Variants in PDE8B observed in about 807,000 individuals in gnomAD.
PDE8B encodes the protein high affinity cAMP-specific and IBMX-insensitive 3',5'-cyclic phosphodiesterase 8B.
PDE8B carries 26 observed loss-of-function variants against 101.3 expected under a neutral mutation model. The ratio of observed to expected loss-of-function variants is 0.26; its 90% confidence interval spans 0.19 to 0.36. PDE8B has a LOEUF of 0.36. Ranked by LOEUF, PDE8B falls within the 10% of genes least tolerant of loss-of-function variation. PDE8B has a pLI of 1.00. For missense variants in PDE8B, 810 were observed against 1,163.1 expected (o/e 0.70, Z 4.42); for synonymous variants, 424 against 429.3 (o/e 0.99, Z 0.15).
chr5:77,276,782 T>C (rs1580741097), intron 1 of PDE8B, among the ~76,000 whole-genome samples: 1 of 152,220 alleles, frequency 6.6e-6, no homozygotes, highest in East Asian at 1.9e-4. Context: ...ATGAGAGTAT[T>C]CCTTAAATAC....
At chr5:77,224,722 A>G (rs570049070) in intron 1 of PDE8B, among the ~76,000 whole-genome samples, 13 of 152,320 alleles carry the variant, frequency 8.5e-5, no homozygotes, top group African/African-American at 2.2e-4. Context: ...AGATCTAGCT[A>G]TTGCAATCAA....
chr5:77,124,585 CAA>C, the PDE8B span, among the ~76,000 whole-genome samples: 3 of 122,388 alleles, frequency 2.5e-5, no homozygotes, highest in African/African-American at 3.5e-5. Flanking sequence ...GACACTGTCT[CAA>C]AAAAAAAAAA....
intron 1 of PDE8B, among the ~76,000 whole-genome samples, chr5:77,306,314 A>G (rs1425324418): frequency 6.6e-6 from 1 of 152,226 alleles, no homozygotes; most frequent in African/African-American, 2.4e-5. Context: ...TGTTCTTTTC[A>G]GTTTAATTCA....
chr5:77,202,634 T>A, the PDE8B span, among the ~76,000 whole-genome samples: 1 of 147,106 alleles, frequency 6.8e-6, no homozygotes, highest in Middle Eastern at 3.5e-3. Context: ...AGGTTATTAG[T>A]AATTTTTTTT....
At chr5:77,148,116 T>C in the PDE8B span, 1 of 152,244 alleles carries the variant, frequency 6.6e-6, no homozygotes, top group African/African-American at 2.4e-5. Flanking sequence ...TATACACTTA[T>C]ATAGTCAAAT....
intron 20 of PDE8B, among the ~76,000 whole-genome samples, chr5:77,424,679 G>A (rs920438591): frequency 2.2e-4 from 34 of 152,216 alleles, no homozygotes; most frequent in Admixed American, 1.8e-3. Context: ...CAGTTCAAGT[G>A]TACGTGTACT....
intron 1 of PDE8B, among the ~76,000 whole-genome samples, chr5:77,259,607 A>T (rs1013495805): frequency 2.6e-5 from 4 of 152,064 alleles, no homozygotes; most frequent in Non-Finnish European, 5.9e-5. Flanking sequence ...TTTCCTCCCC[A>T]CTTCTCTACT....
chr5:77,382,796 T>C lies in PDE8B; in HGVS notation c.1168-17452T>C, dbSNP rs190976905. On this transcript the variant is annotated intron_variant, in intron 10 of 21. Coordinates refer to ENST00000264917, the MANE Select transcript of PDE8B (RefSeq NM_003719.5). ...TTTTTTATGGCTGCATAGTATTCCA[T>C]GGTTCACATGTGTGCCACATTTTCT... Among the ~76,000 whole-genome samples the C allele has an allele frequency of 2.0e-4, 30 of 152,338 alleles. No individual in the cohort carries two copies. The East Asian group carries it at 4.8e-3, about 24-fold the overall frequency.
the PDE8B span, among the ~76,000 whole-genome samples, chr5:77,190,780 C>A: frequency 6.6e-6 from 1 of 152,224 alleles, no homozygotes; most frequent in Non-Finnish European, 1.5e-5. Context: ...ATTAAAACAA[C>A]CTCTGTCTCT....
At chr5:77,150,198 C>T in the PDE8B span, among the ~76,000 whole-genome samples, 1 of 152,112 alleles carries the variant, frequency 6.6e-6, no homozygotes, top group African/African-American at 2.4e-5. Flanking sequence ...GCCTGCTGAG[C>T]TATATGTAGA....
chr5:77,112,533 A>T, the PDE8B span: 13 of 152,186 alleles, frequency 8.5e-5, no homozygotes, highest in Non-Finnish European at 1.9e-4. Context: ...TCAAAATAAT[A>T]AGAGCTATTT....
At chr5:77,388,940 C>A (rs1004388727) in intron 10 of PDE8B, among the ~76,000 whole-genome samples, 10 of 152,122 alleles carry the variant, frequency 6.6e-5, no homozygotes, top group African/African-American at 2.4e-4. Flanking sequence ...CTCAAGCATC[C>A]CAAGTTGACC....
chr5:77,171,012 C>T, the PDE8B span, among the ~76,000 whole-genome samples: 2 of 152,106 alleles, frequency 1.3e-5, no homozygotes, highest in African/African-American at 4.8e-5. Flanking sequence ...TACCTGAACA[C>T]AAATAATTCT....
intron 4 of PDE8B, 43 bp from the exon 5 acceptor site, chr5:77,331,359 G>A: frequency 1.3e-6 from 2 of 1,562,680 alleles, no homozygotes; most frequent in East Asian, 4.5e-5. Context: ...GAGGAATCCT[G>A]GTTTGTATCT....
At chr5:77,395,366 C>T (rs1790815313) in intron 10 of PDE8B, among the ~76,000 whole-genome samples, 1 of 151,720 alleles carries the variant, frequency 6.6e-6, no homozygotes, top group African/African-American at 2.4e-5. Context: ...CCGCCCGCCT[C>T]AGCCTCCCAA....
chr5:77,103,431 A>G, the PDE8B span, among the ~76,000 whole-genome samples: 3 of 152,224 alleles, frequency 2.0e-5, no homozygotes, highest in African/African-American at 2.4e-5. Context: ...CAATTCGGAT[A>G]TGACACAGAG....
At chr5:77,348,455 A>G (rs1780528478) in intron 7 of PDE8B, among the ~76,000 whole-genome samples, 1 of 152,144 alleles carries the variant, frequency 6.6e-6, no homozygotes, top group Non-Finnish European at 1.5e-5. Flanking sequence ...TGCTGGCCCC[A>G]GAATCTGCCG....
chr5:77,125,328 T>G, the PDE8B span, among the ~76,000 whole-genome samples: 1 of 152,162 alleles, frequency 6.6e-6, no homozygotes, highest in African/African-American at 2.4e-5. Context: ...TTGGCAAGAA[T>G]GTAGAGAAAT....
chr5:77,172,304 C>G, the PDE8B span, among the ~76,000 whole-genome samples: 2 of 152,182 alleles, frequency 1.3e-5, no homozygotes, highest in Admixed American at 1.3e-4. Context: ...TCTGAATAAC[C>G]TGACTGATGA....
Sources: gnomAD v4.1 joint callset for allele counts (sites outside exome capture counted in the v4.1 genomes callset) on GRCh38, gnomAD v4.1.1 for gene constraint, MANE v1.5 for transcripts, NCBI Gene and HGNC (gene_info 2026-07-23, HGNC 2026-07-21) for gene names.